The following GAS7 variants were observed in gnomAD, a reference collection of about 807,000 sequenced individuals.
GAS7 encodes growth arrest specific 7.
GAS7 carries 28 observed loss-of-function variants against 71.1 expected under a neutral mutation model. The observed-to-expected ratio is 0.39, with a 90% confidence interval of 0.29 to 0.54. GAS7 has a LOEUF of 0.54. Among genes scored for constraint, GAS7 ranks in the 20% least tolerant of loss-of-function variants. The pLI, the probability that GAS7 is intolerant of heterozygous loss-of-function variation, is 0.62. For missense variants in GAS7, 436 were observed against 627.8 expected, an observed-to-expected ratio of 0.69 and a Z score of 3.27; for synonymous variants, 258 against 245.8, an observed-to-expected ratio of 1.05 and a Z score of -0.46.
At chr17:9,985,199 G>A (rs578148557) in intron 2 of GAS7, among the ~76,000 whole-genome samples, 4 of 152,106 alleles carry the variant, frequency 2.6e-5, no homozygotes, top group African/African-American at 9.7e-5. Context: ...TTTGAAATCC[G>A]TCCACTCACA....
chr17:10,018,528 T>C (rs1328153894), intron 2 of GAS7, among the ~76,000 whole-genome samples: 1 of 152,202 alleles, frequency 6.6e-6, no homozygotes, highest in Non-Finnish European at 1.5e-5. Flanking sequence ...TGCAAAGCTG[T>C]TCATGTGTTT....
At chr17:10,045,419 G>A (rs531881491) in intron 1 of GAS7, among the ~76,000 whole-genome samples, 23 of 152,202 alleles carry the variant, frequency 1.5e-4, no homozygotes, top group African/African-American at 4.8e-4. Context: ...AGTATTGGCC[G>A]GGTGTGGTGG....
Position 9,943,209 on chromosome 17 carries a change from CG to C in GAS7, c.642del (p.Asn214LysfsTer15). 1.2e-6 allele frequency: 2 copies of C among 1,611,698 alleles called. No homozygotes were observed. The highest frequency in any genetic ancestry group is 1.7e-6 in the Non-Finnish European group (2 of 1,177,748). On this transcript the variant is annotated frameshift_variant, in exon 7 of 14. Coordinates refer to ENST00000432992, the MANE Select transcript of GAS7 (RefSeq NM_201433.2). LOFTEE classifies it high-confidence loss of function. ...AGTAGTTCAAACCCAGCCACGGTGCCGTTGCCTTGGGGGTCCTTCTTATCAG... is the reference window on the plus strand; with the variant it reads ...AGTAGTTCAAACCCAGCCACGGTGCCTTGCCTTGGGGGTCCTTCTTATCAG... ...FWADKKDPQG[N>X]GTVAGFELLL...
intron 1 of GAS7, among the ~76,000 whole-genome samples, chr17:10,090,592 G>C (rs370865584): frequency 6.6e-6 from 1 of 152,106 alleles, no homozygotes; most frequent in African/African-American, 2.4e-5. Context: ...CCTCTCTGCA[G>C]CTCACTCGTG....
At chr17:10,166,154 G>T (rs2074292471) in intron 1 of GAS7, among the ~76,000 whole-genome samples, 1 of 152,074 alleles carries the variant, frequency 6.6e-6, no homozygotes, top group Admixed American at 6.6e-5. Flanking sequence ...CTCCCAAGTG[G>T]CTGGGACTAC....
Position 9,926,349 on chromosome 17 carries a change from G to C in GAS7, c.1014+292C>G, listed in dbSNP as rs11651891. ...AACCAGCAGCAGCACTGCTAGGCTC[G>C]GGGTTTAACTGGTCGCCAACAGCCA... is the stretch of plus-strand genomic sequence containing the variant. On this transcript the variant is annotated intron_variant, in intron 10 of 13. Transcript: ENST00000432992. The surrounding 1 kb of genome is among the most constrained non-coding windows in gnomAD (Gnocchi z 5.0). 0.14 allele frequency among the ~76,000 whole-genome samples: 21,345 copies of C among 152,106 alleles called. 1,533 individuals are homozygous for C. Among genetic ancestry groups the C allele is most frequent in the Admixed American group, 0.17 (2,591 of 15,292 alleles).
At chr17:10,141,760 G>C (rs60130267) in intron 1 of GAS7, among the ~76,000 whole-genome samples, 2 of 152,070 alleles carry the variant, frequency 1.3e-5, no homozygotes, top group South Asian at 4.1e-4. Flanking sequence ...GTGTATGATA[G>C]ATACCATACA....
intron 1 of GAS7, among the ~76,000 whole-genome samples, chr17:10,067,218 T>A (rs2073290941): frequency 6.6e-6 from 1 of 151,982 alleles, no homozygotes; most frequent in Non-Finnish European, 1.5e-5. Context: ...TTATTCCAAC[T>A]CCCTTCACTT....
chr17:10,131,251 C>CT (rs1567604268), intron 1 of GAS7, among the ~76,000 whole-genome samples: 1 of 152,228 alleles, frequency 6.6e-6, no homozygotes, highest in Non-Finnish European at 1.5e-5. Context: ...CCCACCTAAA[C>CT]TTTAAGTTTC....
chr17:9,969,865 G>A lies in GAS7; in HGVS notation c.386-103C>T. On this transcript the variant is annotated intron_variant, in intron 3 of 13. Coordinates refer to ENST00000432992, the MANE Select transcript of GAS7 (RefSeq NM_201433.2). This position sits in a 1 kb window ranked among gnomAD's most constrained non-coding sequence, Gnocchi z 5.5. ...TTTTCCCACCTCCTTCCTTGGCTCT[G>A]AGAGGTCTTGCGTGGCGAAGACCAT... 5.3e-6 allele frequency: 4 copies of A among 758,916 alleles called. No homozygotes were observed. The Admixed American group carries it at 5.7e-5, about 11-fold the overall frequency. 47.0% of individuals were successfully genotyped at this position (758,916 alleles called of 1,614,324 possible).
intron 1 of GAS7, among the ~76,000 whole-genome samples, chr17:10,160,209 T>G (rs1266375887): frequency 6.6e-6 from 1 of 152,116 alleles, no homozygotes; most frequent in Non-Finnish European, 1.5e-5. Flanking sequence ...TCTGGCCAGG[T>G]ATGACCGTTC....
chr17:9,992,678 T>C (rs1404942628), intron 2 of GAS7, among the ~76,000 whole-genome samples: 1 of 151,980 alleles, frequency 6.6e-6, no homozygotes, highest in Admixed American at 6.6e-5. Flanking sequence ...TATGTATACA[T>C]GTGCCATGCT....
chr17:10,181,318 C>G (rs973117476), intron 1 of GAS7, among the ~76,000 whole-genome samples: 1 of 151,218 alleles, frequency 6.6e-6, no homozygotes, highest in Non-Finnish European at 1.5e-5. Context: ...TGAGATTGAG[C>G]CACTGCACTC....
intron 1 of GAS7, among the ~76,000 whole-genome samples, chr17:10,041,763 T>C (rs1405552763): frequency 6.6e-6 from 1 of 152,140 alleles, no homozygotes; most frequent in Non-Finnish European, 1.5e-5. Flanking sequence ...TGCAAATAGA[T>C]AGGTTGCTAC....
Position 9,974,511 on chromosome 17 carries a change from C to G in GAS7, c.386-4749G>C, listed in dbSNP as rs1481252047. Among the ~76,000 whole-genome samples the G allele has an allele frequency of 6.9e-6, 1 of 145,684 alleles. No homozygotes were observed. Among genetic ancestry groups the G allele is most frequent in the Non-Finnish European group, 1.5e-5 (1 of 66,282 alleles). ...GGGAACATAATTCAGTCTGGAGATA[C>G]AAGGAAAAAAAAAAAGCAAATGTCA... On this transcript the variant is annotated intron_variant, in intron 3 of 13. Coordinates refer to ENST00000432992, the MANE Select transcript of GAS7 (RefSeq NM_201433.2). The surrounding 1 kb of genome is among the most constrained non-coding windows in gnomAD (Gnocchi z 4.0).
chr17:9,927,886 T>A (rs1218208186), intron 9 of GAS7, among the ~76,000 whole-genome samples: 2 of 152,052 alleles, frequency 1.3e-5, no homozygotes, highest in African/African-American at 4.8e-5. Flanking sequence ...ATAAAGACAT[T>A]CTCAGCTTGC....
intron 2 of GAS7, among the ~76,000 whole-genome samples, chr17:9,989,553 A>G (rs978530106): frequency 1.1e-4 from 16 of 152,300 alleles, no homozygotes; most frequent in African/African-American, 3.8e-4. Flanking sequence ...GTGAAAACTT[A>G]AAAATTTTCT....
rs553790024 is a variant in GAS7, at chr17:10,034,932, A to G, written c.184-15035T>C. Among the ~76,000 whole-genome samples the G allele has an allele frequency of 3.3e-5, 5 of 152,212 alleles. No individual in the cohort carries two copies. The highest frequency in any genetic ancestry group is 1.2e-4 in the African/African-American group (5 of 41,536). On this transcript the variant is annotated intron_variant, in intron 1 of 13. Transcript: ENST00000432992. This position sits in a 1 kb window ranked among gnomAD's most constrained non-coding sequence, Gnocchi z 4.4. ...TGGAATCCTGGGCTTCTGTCTCTGCATCACCCTGGATGCACCAAAGGCGGG... is the reference window on the plus strand; with the variant it reads ...TGGAATCCTGGGCTTCTGTCTCTGCGTCACCCTGGATGCACCAAAGGCGGG...
intron 1 of GAS7, among the ~76,000 whole-genome samples, chr17:10,101,731 C>G (rs1308183763): frequency 6.6e-6 from 1 of 152,228 alleles, no homozygotes; most frequent in Non-Finnish European, 1.5e-5. Flanking sequence ...ATGGCTGACT[C>G]TTCCAGGCAC....
Sources: gnomAD v4.1 joint callset for allele counts (sites outside exome capture counted in the v4.1 genomes callset) on GRCh38, gnomAD v4.1.1 for gene constraint, Gnocchi (gnomAD v3.1) non-coding constraint, MANE v1.5 for transcripts, NCBI Gene and HGNC (gene_info 2026-07-23, HGNC 2026-07-21) for gene names.